Variants in MAPK10 observed in about 807,000 individuals in gnomAD.
The protein encoded by MAPK10 is JNK3 alpha protein kinase.
MAPK10 carries 25 observed loss-of-function variants against 59.3 expected under a neutral mutation model. That is an observed-to-expected ratio of 0.42 (90% confidence interval 0.31 to 0.59). The LOEUF is 0.59. Among genes scored for constraint, MAPK10 ranks in the 20% least tolerant of loss-of-function variants. The pLI is 0.15. For synonymous variants in MAPK10, 190 were observed against 200.5 expected, an observed-to-expected ratio of 0.95 and a Z score of 0.44; for missense variants, 351 against 568.9, an observed-to-expected ratio of 0.62 and a Z score of 3.90.
chr4:86,205,905 T>G (rs991277680), intron 2 of MAPK10, among the ~76,000 whole-genome samples: 7 of 151,982 alleles, frequency 4.6e-5, no homozygotes, highest in African/African-American at 1.7e-4. Flanking sequence ...CCTCTCAGAT[T>G]TAATAAAATA....
intron 11 of MAPK10, among the ~76,000 whole-genome samples, chr4:86,047,342 T>C (rs1459084977): frequency 6.6e-6 from 1 of 152,090 alleles, no homozygotes; most frequent in Non-Finnish European, 1.5e-5. Context: ...GCAATGTGAA[T>C]ATCTGGAGGA....
intron 1 of MAPK10, among the ~76,000 whole-genome samples, chr4:86,516,393 G>C (rs1756665489): frequency 6.6e-6 from 1 of 151,898 alleles, no homozygotes; most frequent in Non-Finnish European, 1.5e-5. Context: ...ATGAATTTTA[G>C]GATTATTTTT....
rs1003834955 is a variant in MAPK10, at chr4:86,042,695, G to T, written c.1111-11264C>A. Among the ~76,000 whole-genome samples, 4 of 151,348 alleles carry T rather than the reference G, an allele frequency of 2.6e-5. No individual in the cohort carries two copies. The East Asian group carries it at 7.7e-4, about 29-fold the overall frequency. ...AACCACAAAGTAAAAATTTATGGTA[G>T]AGACAAAAAAGATACAAAGTAGGGA... On this transcript the variant is annotated intron_variant, in intron 11 of 13. Transcript: ENST00000641462.
At chr4:86,228,630 C>T (rs968954762) in intron 2 of MAPK10, among the ~76,000 whole-genome samples, 9 of 152,152 alleles carry the variant, frequency 5.9e-5, no homozygotes, top group African/African-American at 2.2e-4. Context: ...ATTCTATCAC[C>T]CTTTGTGTCA....
intron 1 of MAPK10, among the ~76,000 whole-genome samples, chr4:86,540,977 T>A (rs1359532997): frequency 6.6e-6 from 1 of 152,034 alleles, no homozygotes. Flanking sequence ...ATTTCCTACA[T>A]GAAATCAGGG....
intron 1 of MAPK10, among the ~76,000 whole-genome samples, chr4:86,549,552 C>G (rs1244764424): frequency 6.6e-6 from 1 of 152,184 alleles, no homozygotes; most frequent in Non-Finnish European, 1.5e-5. Context: ...CTGGAAGTTG[C>G]TCTGAGTGAG....
intron 11 of MAPK10, among the ~76,000 whole-genome samples, chr4:86,059,946 G>T (rs916366380): frequency 3.3e-5 from 5 of 152,076 alleles, no homozygotes; most frequent in African/African-American, 1.2e-4. Flanking sequence ...CTAGAGAAAA[G>T]AATTCCAAAA....
chr4:86,124,025 T>G (rs1383588843), intron 4 of MAPK10: 1 of 152,074 alleles, frequency 6.6e-6, no homozygotes, highest in Admixed American at 6.6e-5. Flanking sequence ...GGTCATTCTA[T>G]CAAAGTTTAA....
intron 1 of MAPK10, among the ~76,000 whole-genome samples, chr4:86,403,957 C>G (rs1232740580): frequency 6.6e-6 from 1 of 152,146 alleles, no homozygotes; most frequent in African/African-American, 2.4e-5. Context: ...TCTCCCCCTT[C>G]CGATCTCCTT....
intron 4 of MAPK10, among the ~76,000 whole-genome samples, chr4:86,149,022 A>G (rs1379894505): frequency 1.3e-5 from 2 of 152,226 alleles, no homozygotes; most frequent in African/African-American, 4.8e-5. Context: ...CTAGTCTAAT[A>G]GCATTAACAT....
At chr4:86,434,969 AATG>A (rs1441175404) in intron 1 of MAPK10, among the ~76,000 whole-genome samples, 6 of 152,240 alleles carry the variant, frequency 3.9e-5, no homozygotes, top group Admixed American at 3.9e-4. Context: ...CATAAAGAAG[AATG>A]ATATCTGATC....
rs577351797 is a variant in MAPK10 at position 86,547,349 on chromosome 4, G to A, written c.-263+46561C>T. On this transcript the variant is annotated intron_variant, in intron 1 of 4. Transcript: ENST00000502302. ...AGGCGCTGGGGGGAACCAGGACTGC[G>A]CGAGTTCCGGGTGGGCGTGGGCTCT... Among the ~76,000 whole-genome samples the A allele has an allele frequency of 3.3e-5, 5 of 152,344 alleles. No individual in the cohort carries two copies. The South Asian group carries it at 8.3e-4, about 25-fold the overall frequency.
At chr4:86,247,880 T>C (rs1388893033) in intron 2 of MAPK10, among the ~76,000 whole-genome samples, 1 of 152,146 alleles carries the variant, frequency 6.6e-6, no homozygotes, top group African/African-American at 2.4e-5. Context: ...GGCAAAAAGT[T>C]CCAAGTGATA....
chr4:86,422,331 A>C (rs1268857428), intron 1 of MAPK10, among the ~76,000 whole-genome samples: 3 of 152,234 alleles, frequency 2.0e-5, no homozygotes, highest in Non-Finnish European at 2.9e-5. Context: ...TTATACCTTA[A>C]GAGTACTTGC....
intron 1 of MAPK10, among the ~76,000 whole-genome samples, chr4:86,501,188 T>G (rs1755298469): frequency 6.6e-6 from 1 of 150,856 alleles, no homozygotes. Flanking sequence ...ATGACCTGAA[T>G]TCCACAGGAG....
intron 2 of MAPK10, among the ~76,000 whole-genome samples, chr4:86,240,488 T>C (rs2092642731): frequency 6.6e-6 from 1 of 152,196 alleles, no homozygotes; most frequent in Non-Finnish European, 1.5e-5. Flanking sequence ...AGTCTAAGTC[T>C]CTTTGTAGGT....
chr4:86,141,450 A>G (rs2063625665), intron 4 of MAPK10, among the ~76,000 whole-genome samples: 1 of 152,144 alleles, frequency 6.6e-6, no homozygotes, highest in South Asian at 2.1e-4. Context: ...TTTCTACACC[A>G]CTGGTAGCTT....
At chr4:86,242,093 A>G (rs1193467322) in intron 2 of MAPK10, among the ~76,000 whole-genome samples, 2 of 151,690 alleles carry the variant, frequency 1.3e-5, no homozygotes, top group African/African-American at 4.8e-5. Flanking sequence ...TTTTCCTTCA[A>G]TAATCAGGTC....
At chr4:86,105,723 T>C (rs1474871613) in intron 5 of MAPK10, among the ~76,000 whole-genome samples, 2 of 152,276 alleles carry the variant, frequency 1.3e-5, no homozygotes, top group Admixed American at 1.3e-4. Context: ...AATTAGTATA[T>C]AACTCTTCAT....
Sources: allele counts gnomAD v4.1 joint callset (sites outside exome capture counted in the v4.1 genomes callset), GRCh38; gene constraint gnomAD v4.1.1; transcripts MANE v1.5; gene names NCBI Gene and HGNC (gene_info 2026-07-23, HGNC 2026-07-21).